MYT1L: variants seen among roughly 807,000 people sequenced by gnomAD.
The protein encoded by MYT1L is myelin transcription factor 1 like.
In MYT1L, 12 loss-of-function variants were observed where a neutral mutation model predicts 126.7. That is an observed-to-expected ratio of 0.09 (90% CI 0.06 to 0.15). MYT1L has a LOEUF of 0.15. MYT1L is among the 10% of genes least tolerant of loss of function. MYT1L has a pLI of 1.00. For missense variants in MYT1L, 979 were observed against 1,585.2 expected, an observed-to-expected ratio of 0.62 and a Z score of 6.49; for synonymous variants, 541 against 604.2, an observed-to-expected ratio of 0.90 and a Z score of 1.53.
rs553297645 is a variant in MYT1L at position 2,196,925 on chromosome 2, A to C, written c.-420-23937T>G. Among the ~76,000 whole-genome samples the C allele has an allele frequency of 6.6e-5, 10 of 152,270 alleles. No homozygotes were observed. The South Asian group carries it at 1.9e-3, about 28-fold the overall frequency. ...TCAAAGATTATCACACCAGATTAAAAATTGAACCCAACTAAATGCTGCTTT... is the reference window on the plus strand; with the variant it reads ...TCAAAGATTATCACACCAGATTAAACATTGAACCCAACTAAATGCTGCTTT... On this transcript the variant is annotated intron_variant, in intron 2 of 24. Coordinates refer to ENST00000647738, the MANE Select transcript of MYT1L (RefSeq NM_001303052.2).
rs1316416056 is a variant in MYT1L at position 1,840,896 on chromosome 2, C to CTTTTTTTTT, written c.2775-54_2775-53insAAAAAAAAA. Reference sequence around the variant, plus strand: ...ACCCCACACCGTTGATTTCAGTGAGCTTTCTTTCTTTTTTTTTTTTTTTTT... The same window carrying CTTTTTTTTT: ...ACCCCACACCGTTGATTTCAGTGAGCTTTTTTTTTTTTCTTTCTTTTTTTTTTTTTTTTT... On this transcript the variant is annotated intron_variant, in intron 19 of 24. Transcript: ENST00000647738. 4.6e-5 allele frequency: 44 copies of CTTTTTTTTT among 962,514 alleles called. 2 individuals are homozygous for CTTTTTTTTT. The African/African-American group carries it at 8.8e-4, about 19-fold the overall frequency. 59.6% of individuals were successfully genotyped at this position (962,514 alleles called of 1,614,324 possible).
intron 18 of MYT1L, among the ~76,000 whole-genome samples, chr2:1,872,015 C>A (rs1441877264): frequency 6.6e-6 from 1 of 152,152 alleles, no homozygotes; most frequent in African/African-American, 2.4e-5. Context: ...TCGCATTGTA[C>A]TTGATGGGTA....
At chr2:2,006,515 C>T (rs1319158994) in intron 4 of MYT1L, among the ~76,000 whole-genome samples, 3 of 152,092 alleles carry the variant, frequency 2.0e-5, no homozygotes, top group Admixed American at 2.0e-4. Context: ...TTATATCTCC[C>T]CATCACCCCC....
At chr2:1,812,101 T>C (rs2036757137) in intron 21 of MYT1L, among the ~76,000 whole-genome samples, 1 of 152,212 alleles carries the variant, frequency 6.6e-6, no homozygotes, top group Non-Finnish European at 1.5e-5. Context: ...CCTGCAGGTG[T>C]GTCTGCGCTT....
intron 13 of MYT1L, among the ~76,000 whole-genome samples, 159 bp from the exon 14 acceptor site, chr2:1,903,453 A>G (rs1046937227): frequency 6.6e-6 from 1 of 152,224 alleles, no homozygotes; most frequent in Non-Finnish European, 1.5e-5. Context: ...AATAAAAGAC[A>G]AAATGTCTTT....
intron 12 of MYT1L, among the ~76,000 whole-genome samples, chr2:1,911,410 A>G (rs893007878): frequency 6.6e-5 from 10 of 152,208 alleles, no homozygotes; most frequent in Non-Finnish European, 1.0e-4. Flanking sequence ...TAAGAACGCA[A>G]TATTATGGGC....
intron 3 of MYT1L, among the ~76,000 whole-genome samples, chr2:2,110,849 G>A (rs1490400654): frequency 6.6e-6 from 1 of 152,054 alleles, no homozygotes; most frequent in Admixed American, 6.5e-5. Flanking sequence ...TATGGAGGCG[G>A]GAGTGAGTGC....
At chr2:2,278,809 G>C (rs1215938312) in intron 2 of MYT1L, among the ~76,000 whole-genome samples, 1 of 152,150 alleles carries the variant, frequency 6.6e-6, no homozygotes, top group Non-Finnish European at 1.5e-5. Flanking sequence ...GGAAACAGTA[G>C]GACAGTGGTG....
In MYT1L at chr2:2,129,925, A is replaced by G. The variant is rs529503866; in HGVS notation, c.-304+42947T>C. On this transcript the variant is annotated intron_variant, in intron 3 of 24. Transcript: ENST00000647738. ...CATCTCAAAAAAAAAAAAAAAATTAACTTCTTTAAAGAATTGTAAACTTAA... is the reference window on the plus strand; with the variant it reads ...CATCTCAAAAAAAAAAAAAAAATTAGCTTCTTTAAAGAATTGTAAACTTAA... Among the ~76,000 whole-genome samples the G allele has an allele frequency of 2.6e-5, 4 of 151,538 alleles. No individual in the cohort carries two copies. The South Asian group carries it at 8.3e-4, about 32-fold the overall frequency.
intron 2 of MYT1L, among the ~76,000 whole-genome samples, chr2:2,210,029 C>T (rs2093448769): frequency 6.6e-6 from 1 of 152,178 alleles, no homozygotes; most frequent in Non-Finnish European, 1.5e-5. Context: ...ATTTGCATTT[C>T]TCTGATGTTC....
At chr2:2,230,623 C>T (rs970527186) in intron 2 of MYT1L, among the ~76,000 whole-genome samples, 7 of 152,182 alleles carry the variant, frequency 4.6e-5, no homozygotes, top group African/African-American at 9.6e-5. Flanking sequence ...CCTACCCAGA[C>T]GCCACGCTGT....
At chr2:2,125,474 A>G (rs1301309582) in intron 3 of MYT1L, among the ~76,000 whole-genome samples, 1 of 152,208 alleles carries the variant, frequency 6.6e-6, no homozygotes, top group Non-Finnish European at 1.5e-5. Flanking sequence ...CAAAGCAGGA[A>G]ACAGGTACAT....
intron 18 of MYT1L, among the ~76,000 whole-genome samples, chr2:1,863,885 T>C (rs2045077988): frequency 6.6e-6 from 1 of 152,094 alleles, no homozygotes; most frequent in Admixed American, 6.5e-5. Flanking sequence ...GTCTTGGGAC[T>C]CCCTCTCGGG....
chr2:2,113,324 G>T (rs1191911628), intron 3 of MYT1L, among the ~76,000 whole-genome samples: 3 of 152,174 alleles, frequency 2.0e-5, no homozygotes, highest in Non-Finnish European at 4.4e-5. Context: ...TAAGCCTGCT[G>T]TATGATCCAG....
intron 2 of MYT1L, among the ~76,000 whole-genome samples, chr2:2,227,178 G>T (rs189949204): frequency 1.6e-4 from 24 of 152,148 alleles, no homozygotes; most frequent in African/African-American, 4.8e-4. Flanking sequence ...AGTGTTGCAG[G>T]CCTCAGACCT....
At chr2:1,981,035 C>T (rs1235857364) in intron 5 of MYT1L, among the ~76,000 whole-genome samples, 1 of 151,976 alleles carries the variant, frequency 6.6e-6, no homozygotes, top group East Asian at 1.9e-4. Context: ...ATGCCTGTGG[C>T]TCTATTCGAG....
At chr2:1,825,560 C>T (rs1309438942) in intron 21 of MYT1L, 1 of 152,070 alleles carries the variant, frequency 6.6e-6, no homozygotes, top group Non-Finnish European at 1.5e-5. Context: ...ATTATGAGAA[C>T]GTCAAAGTTT....
At chr2:2,164,911 G>GT (rs941529209) in intron 3 of MYT1L, among the ~76,000 whole-genome samples, 3 of 152,198 alleles carry the variant, frequency 2.0e-5, no homozygotes, top group African/African-American at 7.2e-5. Context: ...TCAATGCACT[G>GT]TGACAGAAGG....
chr2:2,137,125 C>T (rs980085028), intron 3 of MYT1L, among the ~76,000 whole-genome samples: 1 of 152,010 alleles, frequency 6.6e-6, no homozygotes, highest in African/African-American at 2.4e-5. Context: ...AGGAATCCAC[C>T]TTACAAGGGA....
Sources: allele counts gnomAD v4.1 joint callset (sites outside exome capture counted in the v4.1 genomes callset), GRCh38; gene constraint gnomAD v4.1.1; transcripts MANE v1.5; gene names NCBI Gene and HGNC (gene_info 2026-07-23, HGNC 2026-07-21).